Variants in PRKG1 observed in about 807,000 individuals in gnomAD.
PRKG1 encodes cGMP-dependent protein kinase 1.
PRKG1 carries 35 observed loss-of-function variants against 88.1 expected under a neutral mutation model. The ratio of observed to expected loss-of-function variants is 0.40; its 90% CI spans 0.30 to 0.53. The LOEUF (loss-of-function observed/expected upper bound fraction) is 0.53, where lower values mean the gene tolerates loss of function less well. Among genes scored for constraint, PRKG1 ranks in the 20% least tolerant of loss-of-function variants. The pLI, the probability that PRKG1 is intolerant of heterozygous loss-of-function variation, is 0.59. For missense variants in PRKG1, 540 were observed against 839.8 expected (o/e 0.64, Z 4.41); for synonymous variants, 303 against 292.5 (o/e 1.04, Z -0.37).
intron 3 of PRKG1, among the ~76,000 whole-genome samples, chr10:51,692,811 A>G (rs1203312641): frequency 6.6e-6 from 1 of 152,164 alleles, no homozygotes; most frequent in African/African-American, 2.4e-5. Flanking sequence ...AATACATATG[A>G]GATTCATTTC....
chr10:51,843,992 A>G (rs531398247), intron 4 of PRKG1, among the ~76,000 whole-genome samples: 16 of 152,300 alleles, frequency 1.1e-4, no homozygotes, highest in South Asian at 2.1e-4. Flanking sequence ...AGGAGTATAC[A>G]TAGTACTATA....
intron 1 of PRKG1, among the ~76,000 whole-genome samples, chr10:51,092,628 C>A (rs1051137602): frequency 2.6e-5 from 4 of 152,144 alleles, no homozygotes; most frequent in Non-Finnish European, 4.4e-5. Context: ...GGGGATGCTG[C>A]CAAATCTGTT....
chr10:51,142,668 G>A (rs1200516468), intron 1 of PRKG1, among the ~76,000 whole-genome samples: 2 of 152,110 alleles, frequency 1.3e-5, no homozygotes, highest in African/African-American at 2.4e-5. Flanking sequence ...AACTTGGCAG[G>A]CATCTAACCT....
At chr10:51,250,551 C>T (rs557335752) in intron 2 of PRKG1, among the ~76,000 whole-genome samples, 2 of 151,888 alleles carry the variant, frequency 1.3e-5, no homozygotes, top group East Asian at 3.9e-4. Flanking sequence ...CAGCTTACTA[C>T]TGAAGCAAGG....
chr10:51,941,422 G>C (rs1409909883), intron 5 of PRKG1, among the ~76,000 whole-genome samples: 1 of 151,554 alleles, frequency 6.6e-6, no homozygotes, highest in Non-Finnish European at 1.5e-5. Context: ...TTTATATTTT[G>C]ATCACACGTG....
At chr10:51,878,961 C>T (rs1564689548) in intron 4 of PRKG1, among the ~76,000 whole-genome samples, 1 of 152,178 alleles carries the variant, frequency 6.6e-6, no homozygotes, top group African/African-American at 2.4e-5. Context: ...CCCATTATTG[C>T]CAGCTTTCCC....
chr10:51,409,464 C>T (rs945049963), intron 2 of PRKG1, among the ~76,000 whole-genome samples: 3 of 152,278 alleles, frequency 2.0e-5, no homozygotes, highest in South Asian at 2.1e-4. Flanking sequence ...GGTCAGAAAG[C>T]ACCCAGGGGC....
At chr10:51,735,450 C>A (rs1837240236) in intron 3 of PRKG1, among the ~76,000 whole-genome samples, 1 of 152,082 alleles carries the variant, frequency 6.6e-6, no homozygotes, top group South Asian at 2.1e-4. Flanking sequence ...ATGTGTGAAA[C>A]TCTACAGTAT....
intron 3 of PRKG1, among the ~76,000 whole-genome samples, chr10:51,591,067 G>A (rs1838299799): frequency 6.6e-6 from 1 of 152,238 alleles, no homozygotes; most frequent in East Asian, 1.9e-4. Context: ...TGTTGTTGAA[G>A]CACACACAAG....
At chr10:51,142,364 A>G (rs1349343533) in intron 1 of PRKG1, among the ~76,000 whole-genome samples, 1 of 152,120 alleles carries the variant, frequency 6.6e-6, no homozygotes, top group African/African-American at 2.4e-5. Context: ...TGAAATGGCC[A>G]CAATTCCCTG....
intron 2 of PRKG1, among the ~76,000 whole-genome samples, chr10:51,343,853 C>A (rs1842054806): frequency 6.6e-6 from 1 of 152,072 alleles, no homozygotes; most frequent in Admixed American, 6.6e-5. Flanking sequence ...CAGTAATGTG[C>A]CCCTCATATG....
intron 3 of PRKG1, among the ~76,000 whole-genome samples, chr10:51,642,813 A>G (rs893281225): frequency 6.6e-6 from 1 of 152,206 alleles, no homozygotes; most frequent in Non-Finnish European, 1.5e-5. Context: ...GCCTGAACTT[A>G]TTGATTGAAC....
intron 3 of PRKG1, among the ~76,000 whole-genome samples, chr10:51,644,836 A>G (rs1401461444): frequency 1.3e-5 from 2 of 152,086 alleles, no homozygotes; most frequent in East Asian, 3.9e-4. Flanking sequence ...CCCAGGCTGT[A>G]GTGCAGTGGC....
intron 1 of PRKG1, among the ~76,000 whole-genome samples, chr10:51,020,871 T>C (rs533241167): frequency 2.1e-4 from 32 of 152,322 alleles, no homozygotes; most frequent in African/African-American, 7.7e-4. Flanking sequence ...TGAATTTATC[T>C]GATCAAACAT....
chr10:52,275,466 G>A (rs1841850095), intron 12 of PRKG1, among the ~76,000 whole-genome samples: 1 of 151,986 alleles, frequency 6.6e-6, no homozygotes, highest in Non-Finnish European at 1.5e-5. Context: ...GTTTTTGTTT[G>A]CTTTGTCAAA....
chr10:52,109,505 G>A (rs140791009), intron 7 of PRKG1, among the ~76,000 whole-genome samples: 4 of 152,146 alleles, frequency 2.6e-5, no homozygotes, highest in African/African-American at 9.7e-5. Context: ...GGTGGCTCAC[G>A]CCTGTAATCC....
intron 5 of PRKG1, among the ~76,000 whole-genome samples, chr10:52,039,138 A>G (rs1385153825): frequency 6.6e-6 from 1 of 152,134 alleles, no homozygotes; most frequent in Non-Finnish European, 1.5e-5. Context: ...TGAAGAGACC[A>G]CCAAACAGGC....
intron 7 of PRKG1, among the ~76,000 whole-genome samples, chr10:52,113,309 G>T (rs1157536420): frequency 2.0e-5 from 3 of 152,036 alleles, no homozygotes; most frequent in Admixed American, 1.3e-4. Context: ...ATGTATCATT[G>T]TATCTGTCTT....
chr10:52,119,953 CAGACAG>C (rs1434042225), intron 7 of PRKG1, among the ~76,000 whole-genome samples: 1 of 53,966 alleles, frequency 1.9e-5, no homozygotes, highest in African/African-American at 3.9e-5. Flanking sequence ...CAGAGATAGA[CAGACAG>C]AGACAGAGAG....
Sources: allele counts gnomAD v4.1 joint callset (sites outside exome capture counted in the v4.1 genomes callset), GRCh38; gene constraint gnomAD v4.1.1; transcripts MANE v1.5; gene names NCBI Gene and HGNC (gene_info 2026-07-23, HGNC 2026-07-21).